The following RERE variants were observed in gnomAD, a reference collection of about 807,000 sequenced individuals.
The protein encoded by RERE is arginine-glutamic acid dipeptide repeats protein.
Under a neutral mutation model 146.1 loss-of-function variants are expected in RERE, and 40 were observed. That is an observed-to-expected ratio of 0.27 (90% CI 0.21 to 0.36). The LOEUF (loss-of-function observed/expected upper bound fraction) is 0.36, where lower values mean the gene tolerates loss of function less well. Ranked by LOEUF, RERE falls within the 10% of genes least tolerant of loss-of-function variation. The pLI is 1.00. For missense variants in RERE, 1,933 were observed against 2,138.7 expected (o/e 0.90, Z 1.90); for synonymous variants, 1,003 against 866.0 (o/e 1.16, Z -2.78).
chr1:8,569,885 C>T (rs1350782588), intron 4 of RERE, among the ~76,000 whole-genome samples: 1 of 151,842 alleles, frequency 6.6e-6, no homozygotes, highest in Non-Finnish European at 1.5e-5. Context: ...GAGCTAGACC[C>T]TGTCTTAAAA....
At chr1:8,500,837 T>TGAG (rs1287800492) in intron 8 of RERE, among the ~76,000 whole-genome samples, 2 of 145,194 alleles carry the variant, frequency 1.4e-5, no homozygotes, top group East Asian at 4.0e-4. Context: ...GTCTGGGATG[T>TGAG]GAGGAGCACC....
Position 8,437,361 on chromosome 1 carries a change from G to T in RERE, c.1204-14554C>A, listed in dbSNP as rs150547465. Among the ~76,000 whole-genome samples the T allele has an allele frequency of 3.3e-5, 5 of 152,200 alleles. No individual in the cohort carries two copies. The East Asian group carries it at 9.7e-4, about 29-fold the overall frequency. ...TTAGGAAATGTAGTCCAGGGTGGGG[G>T]TGGAGGAAGCATTTCAATGACAAAA... On this transcript the variant is annotated intron_variant, in intron 11 of 22. Transcript: ENST00000400908.
At chr1:8,465,610 G>T (rs985591678) in intron 11 of RERE, 68 of 407,554 alleles carry the variant, frequency 1.7e-4, no homozygotes, top group African/African-American at 1.3e-3. Context: ...CTTTAAATAG[G>T]GAGGTATCAC....
chr1:8,387,253 G>A (rs1331293865), intron 12 of RERE, among the ~76,000 whole-genome samples: 1 of 152,178 alleles, frequency 6.6e-6, no homozygotes, highest in African/African-American at 2.4e-5. Flanking sequence ...ATGACACTGG[G>A]ACACCTGGTG....
intron 1 of RERE, among the ~76,000 whole-genome samples, chr1:8,741,682 A>G (rs1640313420): frequency 1.3e-5 from 2 of 152,216 alleles, no homozygotes; most frequent in African/African-American, 4.8e-5. Context: ...GGGCCTCCCC[A>G]GCATTGTGGA....
intron 1 of RERE, among the ~76,000 whole-genome samples, chr1:8,728,660 G>T (rs1640020743): frequency 6.6e-6 from 1 of 152,098 alleles, no homozygotes; most frequent in South Asian, 2.1e-4. Context: ...ACACCAAAAA[G>T]CATCCCTCAA....
At chr1:8,581,637 A>T (rs894845901) in intron 4 of RERE, among the ~76,000 whole-genome samples, 5 of 152,216 alleles carry the variant, frequency 3.3e-5, no homozygotes, top group Admixed American at 6.5e-5. Context: ...GTTGGGTTAT[A>T]TCCTGTTTTT....
At chr1:8,366,929 CA>C (rs1292789143) in intron 12 of RERE, among the ~76,000 whole-genome samples, 868 of 84,256 alleles carry the variant, frequency 0.01, 9 homozygotes, top group African/African-American at 0.038. Context: ...AAAAAAAAAA[CA>C]AAAAAAAAAA....
intron 1 of RERE, among the ~76,000 whole-genome samples, chr1:8,765,950 CAA>C (rs879901504): frequency 7.3e-6 from 1 of 137,918 alleles, no homozygotes. Context: ...GACTCCGTCT[CAA>C]AAAAAAAAAA....
chr1:8,411,543 G>A (rs564210731), intron 12 of RERE, among the ~76,000 whole-genome samples: 4 of 152,112 alleles, frequency 2.6e-5, no homozygotes, highest in African/African-American at 7.2e-5. Context: ...CCCATCTCCC[G>A]TAAGGTGGCA....
intron 10 of RERE, among the ~76,000 whole-genome samples, chr1:8,468,015 A>T (rs535174046): frequency 6.6e-6 from 1 of 152,338 alleles, no homozygotes; most frequent in Non-Finnish European, 1.5e-5. Flanking sequence ...GAGCATTCTC[A>T]CAGTTTAGAG....
At chr1:8,548,269 G>C (rs558027862) in intron 6 of RERE, among the ~76,000 whole-genome samples, 16 of 152,292 alleles carry the variant, frequency 1.1e-4, no homozygotes, top group Admixed American at 1.0e-3. Flanking sequence ...GTAGAGGATG[G>C]GAACATGGTG....
At chr1:8,422,630 G>C in intron 12 of RERE, 97 bp downstream of exon 12, 1 of 888,614 alleles carries the variant, frequency 1.1e-6, no homozygotes, top group Non-Finnish European at 1.9e-6. Flanking sequence ...TGAGCACAGC[G>C]CAGGGTTAAA....
intron 2 of RERE, among the ~76,000 whole-genome samples, chr1:8,633,113 T>C (rs533862798): frequency 6.6e-6 from 1 of 152,176 alleles, no homozygotes; most frequent in African/African-American, 2.4e-5. Flanking sequence ...GAGATTGATA[T>C]TCTGTTTAAG....
intron 1 of RERE, among the ~76,000 whole-genome samples, chr1:8,661,168 G>C (rs146135678): frequency 6.6e-6 from 1 of 152,234 alleles, no homozygotes; most frequent in Non-Finnish European, 1.5e-5. Flanking sequence ...AGGAGCATTA[G>C]AGAGAAAGCC....
In RERE at chr1:8,640,441, C is replaced by T. The variant is rs536752086; in HGVS notation, c.325+15532G>A. Among the ~76,000 whole-genome samples the T allele has an allele frequency of 2.6e-5, 4 of 152,262 alleles. No homozygotes were observed. The South Asian group carries it at 8.3e-4, about 32-fold the overall frequency. ...CTTTGCCTTTTAAAGTTTGGTTTATCATTTTACACATTACACTATCACTCT... is the reference window on the plus strand; with the variant it reads ...CTTTGCCTTTTAAAGTTTGGTTTATTATTTTACACATTACACTATCACTCT... On this transcript the variant is annotated intron_variant, in intron 2 of 22. Coordinates refer to ENST00000400908, the MANE Select transcript of RERE (RefSeq NM_001042681.2).
chr1:8,369,432 A>G (rs602008), intron 12 of RERE, among the ~76,000 whole-genome samples: 1 of 149,618 alleles, frequency 6.7e-6, no homozygotes, highest in Non-Finnish European at 1.5e-5. Context: ...AACAGATTTC[A>G]CCATCTGAGT....
intron 8 of RERE, among the ~76,000 whole-genome samples, chr1:8,506,420 C>T (rs934034015): frequency 1.3e-5 from 2 of 152,212 alleles, no homozygotes; most frequent in Admixed American, 1.3e-4. Context: ...CTTCATAACT[C>T]CTTCACTTCT....
intron 1 of RERE, among the ~76,000 whole-genome samples, chr1:8,724,875 T>TAAAA (rs1176635924): frequency 1.7e-5 from 2 of 120,752 alleles, no homozygotes; most frequent in African/African-American, 6.0e-5. Context: ...AGATACTTTG[T>TAAAA]AAAAAAAAAA....
Sources: allele counts gnomAD v4.1 joint callset (sites outside exome capture counted in the v4.1 genomes callset), GRCh38; gene constraint gnomAD v4.1.1; transcripts MANE v1.5; gene names NCBI Gene and HGNC (gene_info 2026-07-23, HGNC 2026-07-21).